The following N4BP1 variants were observed in gnomAD, a reference collection of about 807,000 sequenced individuals.
N4BP1 encodes the protein NEDD4-binding protein 1.
N4BP1 carries 21 observed loss-of-function variants against 70.9 expected under a neutral mutation model. The observed-to-expected ratio is 0.30, with a 90% CI of 0.21 to 0.43. N4BP1 has a LOEUF of 0.43. Ranked by LOEUF, N4BP1 falls within the 20% of genes least tolerant of loss-of-function variation. The probability of loss-of-function intolerance (pLI) is 1.00; values close to 1 mark genes in which losing one functional copy is unlikely to be tolerated. For missense variants in N4BP1, 936 were observed against 1,069.4 expected (o/e 0.88, Z 1.74); for synonymous variants, 387 against 394.6 (o/e 0.98, Z 0.23).
Position 48,542,638 on chromosome 16 carries a change from C to T in N4BP1, c.*266G>A, listed in dbSNP as rs80099509. On this transcript the variant is annotated 3_prime_UTR_variant, in exon 7 of 7. Coordinates refer to ENST00000262384, the MANE Select transcript of N4BP1 (RefSeq NM_153029.4). ...AAAAGGTAAATACACTCAAGAGTAA[C>T]TGCTATTAAACAGTTCTGAACAGGC... 828 of 337,550 alleles carry T rather than the reference C, an allele frequency of 2.5e-3. 5 individuals carry two copies. The highest frequency in any genetic ancestry group is 3.2e-3 in the Non-Finnish European group (604 of 188,644). The allele number at this position is 337,550 out of a possible 1,614,324, so 20.9% of individuals were successfully genotyped here.
At chr16:48,551,738 G>A (rs1306723253) in intron 3 of N4BP1, among the ~76,000 whole-genome samples, 1 of 152,118 alleles carries the variant, frequency 6.6e-6, no homozygotes, top group Non-Finnish European at 1.5e-5. Context: ...AGAATAGTAG[G>A]CCAGGCACAG....
At chr16:48,574,783 T>C (rs1370728292) in intron 1 of N4BP1, among the ~76,000 whole-genome samples, 1 of 152,230 alleles carries the variant, frequency 6.6e-6, no homozygotes, top group African/African-American at 2.4e-5. Context: ...CAGAAAGTGA[T>C]ATTCAGGGGA....
chr16:48,581,092 T>G (rs988937152), intron 1 of N4BP1, among the ~76,000 whole-genome samples: 9 of 152,100 alleles, frequency 5.9e-5, no homozygotes, highest in Non-Finnish European at 1.2e-4. Context: ...TATAATCAAG[T>G]AGGATTCATC....
At chr16:48,543,804 G>A (rs1036404151) in intron 6 of N4BP1, among the ~76,000 whole-genome samples, 23 of 152,108 alleles carry the variant, frequency 1.5e-4, no homozygotes, top group African/African-American at 5.3e-4. Context: ...CACTGGACTC[G>A]GCCTGCAGGC....
At chr16:48,567,486 T>C (rs1963960508) in intron 1 of N4BP1, among the ~76,000 whole-genome samples, 1 of 151,908 alleles carries the variant, frequency 6.6e-6, no homozygotes, top group Non-Finnish European at 1.5e-5. Flanking sequence ...CCTGGTTAAT[T>C]TTTTGTATTT....
At position 48,609,827 on chromosome 16, in the gene N4BP1, G is replaced by A. The variant is rs1481976804; in HGVS notation, c.146C>T (p.Ala49Val). ...CCCGCAGAGCTGCAGCCAGATGCGC[G>A]CGGGCAGCGGCTCCTCAGCCCCTAG... Reference protein sequence around the residue: ...GALGAEEPLPARIWLQLCGAQ... With the variant: ...GALGAEEPLPVRIWLQLCGAQ... The change falls in exon 1 of 7, where the codon GCG (alanine) becomes GTG (valine). Residue 49 changes from alanine to valine, a missense_variant. By Grantham distance (64) the Ala-to-Val change is moderately conservative (BLOSUM62 0). Transcript: ENST00000262384. 2.0e-6 allele frequency: 3 copies of A among 1,486,744 alleles called. No individual in the cohort carries two copies. The highest frequency in any genetic ancestry group is 2.9e-5 in the East Asian group (1 of 34,884). The allele number at this position is 1,486,744 out of a possible 1,614,324, so 92.1% of individuals were successfully genotyped here.
chr16:48,561,835 T>C lies in N4BP1; in HGVS notation c.808A>G (p.Thr270Ala), dbSNP rs776483975. Reference protein sequence around the residue: ...DVLFDPINGLTPDEEALSNER... With the variant: ...DVLFDPINGLAPDEEALSNER... ...TTGGAAAGTGCCTCTTCATCTGGGG[T>C]TAGACCATTTATTGGATCAAAAAGC... The change falls in exon 2 of 7, where the codon ACC becomes GCC. Residue 270 changes from threonine to alanine, a missense_variant. Coordinates refer to ENST00000262384, the MANE Select transcript of N4BP1 (RefSeq NM_153029.4). 51 of 1,613,726 alleles carry C rather than the reference T, an allele frequency of 3.2e-5. No individual in the cohort carries two copies. Among genetic ancestry groups the C allele is most frequent in the Non-Finnish European group, 4.3e-5 (51 of 1,179,888 alleles).
chr16:48,604,341 G>A (rs1276985587), intron 1 of N4BP1, among the ~76,000 whole-genome samples: 1 of 152,010 alleles, frequency 6.6e-6, no homozygotes, highest in Non-Finnish European at 1.5e-5. Context: ...ATTTGAGCTC[G>A]GGAATTCAAG....
intron 4 of N4BP1, among the ~76,000 whole-genome samples, chr16:48,551,166 AG>A (rs1224289892): frequency 2.0e-5 from 3 of 152,254 alleles, no homozygotes; most frequent in Non-Finnish European, 2.9e-5. Context: ...TTTTACTTAT[AG>A]ATTTTCAGCC....
chr16:48,573,709 G>A (rs529249398), intron 1 of N4BP1, among the ~76,000 whole-genome samples: 9 of 152,164 alleles, frequency 5.9e-5, no homozygotes, highest in East Asian at 1.9e-4. Context: ...ATAACTTTTC[G>A]ACTCCCTCAA....
At chr16:48,568,674 A>T (rs1215240504) in intron 1 of N4BP1, among the ~76,000 whole-genome samples, 1 of 152,258 alleles carries the variant, frequency 6.6e-6, no homozygotes, top group East Asian at 1.9e-4. Context: ...AATAGAAGAA[A>T]ATGGGTTAAC....
chr16:48,563,645 C>T (rs1406613136), intron 1 of N4BP1, among the ~76,000 whole-genome samples: 1 of 152,164 alleles, frequency 6.6e-6, no homozygotes, highest in East Asian at 1.9e-4. Flanking sequence ...TCCCAAATTG[C>T]TGGGATTACA....
intron 5 of N4BP1, chr16:48,546,566 A>T: frequency 4.7e-6 from 1 of 215,004 alleles, no homozygotes; most frequent in East Asian, 1.0e-4. Context: ...ACTTTGAAAA[A>T]TAAGATTTAA....
Position 48,584,636 on chromosome 16 carries a change from G to A in N4BP1, c.199-22192C>T, listed in dbSNP as rs1964217272. ...AAAAAAAAACAAACCCAGGCTGGGT[G>A]TAGTGATACATGCCTGTATTCCCAG... On this transcript the variant is annotated intron_variant, in intron 1 of 6. Transcript: ENST00000262384. Among the ~76,000 whole-genome samples, 5 of 152,066 alleles carry A rather than the reference G, an allele frequency of 3.3e-5. No homozygotes were observed. In the South Asian group the frequency reaches 1.0e-3, roughly 31 times the overall value.
chr16:48,595,720 G>A (rs560988276), intron 1 of N4BP1, among the ~76,000 whole-genome samples: 2 of 152,308 alleles, frequency 1.3e-5, no homozygotes, highest in South Asian at 4.1e-4. Context: ...GGAATGGCGT[G>A]CTTTCCTTTA....
Position 48,560,551 on chromosome 16 carries a change from G to A in N4BP1, c.1889+203C>T, listed in dbSNP as rs964117267. ...TTGCCCTTAGAAATTAAGTTCAGCA[G>A]GGTGAAGTAAAGTTCATGAATCCAG... On this transcript the variant is annotated intron_variant, in intron 2 of 6. Coordinates refer to ENST00000262384, the MANE Select transcript of N4BP1 (RefSeq NM_153029.4). The A allele has an allele frequency of 8.8e-6, 5 of 565,008 alleles. No individual in the cohort carries two copies. The African/African-American group carries it at 9.6e-5, about 11-fold the overall frequency. The allele number at this position is 565,008 out of a possible 1,614,324, so 35.0% of individuals were successfully genotyped here.
At chr16:48,590,800 T>C (rs968807662) in intron 1 of N4BP1, among the ~76,000 whole-genome samples, 11 of 152,048 alleles carry the variant, frequency 7.2e-5, no homozygotes, top group Admixed American at 4.6e-4. Flanking sequence ...AGCCCCATGG[T>C]GTGGTATGTG....
intron 2 of N4BP1, among the ~76,000 whole-genome samples, chr16:48,559,885 A>G (rs1482686650): frequency 2.6e-5 from 4 of 152,194 alleles, no homozygotes; most frequent in Non-Finnish European, 5.9e-5. Context: ...TCTTTTAACA[A>G]TGGGGTGACT....
chr16:48,554,005 C>T (rs751730476), intron 2 of N4BP1, among the ~76,000 whole-genome samples: 3 of 152,114 alleles, frequency 2.0e-5, no homozygotes, highest in Admixed American at 6.5e-5. Flanking sequence ...CTGCAACCTC[C>T]GAAGATGCTG....
Sources: allele counts gnomAD v4.1 joint callset (sites outside exome capture counted in the v4.1 genomes callset), GRCh38; gene constraint gnomAD v4.1.1; transcripts MANE v1.5; gene names NCBI Gene and HGNC (gene_info 2026-07-23, HGNC 2026-07-21).